CHD7: variants seen among roughly 807,000 people sequenced by gnomAD.
CHD7 encodes the protein ATP-dependent chromatin remodeler CHD7.
A neutral mutation model predicts 307.3 loss-of-function variants in CHD7; 24 were observed. The observed-to-expected ratio is 0.08, with a 90% CI of 0.06 to 0.11. The LOEUF is 0.11. CHD7 is among the 10% of genes least tolerant of loss of function. The pLI is 1.00. For missense variants in CHD7, 3,106 were observed against 3,727.1 expected, an observed-to-expected ratio of 0.83 and a Z score of 4.34; for synonymous variants, 1,363 against 1,349.9, an observed-to-expected ratio of 1.01 and a Z score of -0.21.
chr8:60,742,092 C>G lies in CHD7; in HGVS notation c.660C>G (p.Leu220=), dbSNP rs1177262261. Residue 220 remains leucine (L), a synonymous_variant, in exon 2 of 38, where the codon CTC becomes CTG. Transcript: ENST00000423902. The part of the protein sequence containing the change: ...MSQFSQGQEG[L]NQGNPFIATS... ...AGTTTTCCCAAGGCCAAGAGGGCCT[C>G]AATCAGGGAAATCCTTTTATTGCCA... 6 of 1,613,852 alleles carry G rather than the reference C, an allele frequency of 3.7e-6. No homozygotes were observed. The highest frequency in any genetic ancestry group is 5.1e-6 in the Non-Finnish European group (6 of 1,179,892).
intron 1 of CHD7, among the ~76,000 whole-genome samples, chr8:60,687,784 C>G (rs982500036): frequency 6.6e-6 from 1 of 152,054 alleles, no homozygotes; most frequent in African/African-American, 2.4e-5. Context: ...GATGAGGAGA[C>G]TAAAAGGGAT....
intron 1 of CHD7, among the ~76,000 whole-genome samples, chr8:60,690,053 C>T (rs16926384): frequency 0.012 from 1,815 of 152,270 alleles, 39 homozygotes; most frequent in African/African-American, 0.041. Flanking sequence ...TATTTGCATA[C>T]TGCTTCTGTG....
chr8:60,726,212 T>A (rs1808150154), intron 1 of CHD7, among the ~76,000 whole-genome samples: 1 of 152,264 alleles, frequency 6.6e-6, no homozygotes, highest in South Asian at 2.1e-4. Context: ...ATATTTTTCT[T>A]TCACCAGAAG....
At chr8:60,833,016 G>A (rs1347897025) in intron 15 of CHD7, among the ~76,000 whole-genome samples, 3 of 152,112 alleles carry the variant, frequency 2.0e-5, no homozygotes, top group Admixed American at 6.6e-5. Context: ...CAAACTAAGC[G>A]CACGCAGCTG....
At chr8:60,694,500 G>C (rs1806362577) in intron 1 of CHD7, among the ~76,000 whole-genome samples, 1 of 152,244 alleles carries the variant, frequency 6.6e-6, no homozygotes, top group Non-Finnish European at 1.5e-5. Flanking sequence ...CAGAAAGCGT[G>C]ACTTGCCCTC....
chr8:60,801,617 A>G, intron 6 of CHD7, 24 bp downstream of exon 6: 1 of 1,505,128 alleles, frequency 6.6e-7, no homozygotes, highest in Non-Finnish European at 9.1e-7. Context: ...GAGCCATTAA[A>G]ATCTGTGAGG....
At chr8:60,824,968 A>C (rs778506670) in intron 13 of CHD7, 1 of 152,102 alleles carries the variant, frequency 6.6e-6, no homozygotes, top group Non-Finnish European at 1.5e-5. Flanking sequence ...GGTTATGATC[A>C]CTTATATTTT....
chr8:60,748,237 C>T (rs983736888), intron 2 of CHD7, among the ~76,000 whole-genome samples: 1 of 152,036 alleles, frequency 6.6e-6, no homozygotes, highest in Non-Finnish European at 1.5e-5. Flanking sequence ...GCAGTGATGT[C>T]TTTGCTGAGA....
intron 1 of CHD7, among the ~76,000 whole-genome samples, chr8:60,739,488 C>T (rs1808881827): frequency 5.3e-5 from 8 of 152,296 alleles, no homozygotes; most frequent in Admixed American, 2.6e-4. Context: ...AGTAAAGCAG[C>T]GTGTTTTCAG....
chr8:60,724,265 A>G (rs1343632305), intron 1 of CHD7, among the ~76,000 whole-genome samples: 1 of 152,190 alleles, frequency 6.6e-6, no homozygotes, highest in Non-Finnish European at 1.5e-5. Context: ...TTTAATTCTT[A>G]TTACAGCACA....
chr8:60,841,209 C>T (rs1804956946), intron 19 of CHD7, among the ~76,000 whole-genome samples: 1 of 152,258 alleles, frequency 6.6e-6, no homozygotes, highest in African/African-American at 2.4e-5. Context: ...GGCTCTTCTT[C>T]CCTGACTACC....
intron 9 of CHD7, 70 bp from the exon 10 acceptor site, chr8:60,821,720 A>G: frequency 1.6e-6 from 2 of 1,280,480 alleles, no homozygotes; most frequent in African/African-American, 1.5e-5. Flanking sequence ...ACATATATAT[A>G]CACATATATA....
intron 1 of CHD7, among the ~76,000 whole-genome samples, chr8:60,681,607 A>G (rs1334509293): frequency 3.3e-5 from 5 of 152,216 alleles, no homozygotes; most frequent in Non-Finnish European, 7.3e-5. Context: ...TTGAGCAGCA[A>G]ATTTTAGAAG....
intron 1 of CHD7, chr8:60,679,665 G>T (rs900700214): frequency 6.8e-6 from 1 of 146,490 alleles, no homozygotes; most frequent in Admixed American, 6.8e-5. Context: ...CCCGCCTCCC[G>T]CCCCCGCCCC....
intron 1 of CHD7, among the ~76,000 whole-genome samples, chr8:60,725,118 C>A (rs1460228259): frequency 2.0e-5 from 3 of 152,178 alleles, no homozygotes; most frequent in African/African-American, 7.2e-5. Flanking sequence ...TAAAGAGGGG[C>A]GGGAACACCT....
intron 18 of CHD7, 26 bp from the exon 19 acceptor site, chr8:60,838,050 G>A (rs1804815693): frequency 7.0e-7 from 1 of 1,424,664 alleles, no homozygotes; most frequent in Non-Finnish European, 9.3e-7. Context: ...ATTATTTTGA[G>A]TATTTTAAAT....
intron 3 of CHD7, among the ~76,000 whole-genome samples, chr8:60,782,680 A>G (rs2150672901): frequency 6.6e-6 from 1 of 152,298 alleles, no homozygotes; most frequent in African/African-American, 2.4e-5. Context: ...ATTGAAAACC[A>G]TCACTTTTCT....
intron 1 of CHD7, among the ~76,000 whole-genome samples, chr8:60,687,817 C>G (rs1805988254): frequency 6.6e-6 from 1 of 152,148 alleles, no homozygotes; most frequent in South Asian, 2.1e-4. Context: ...TACCCAGGGC[C>G]ATACATTTCT....
chr8:60,815,624 A>T (rs1361337142), intron 7 of CHD7, among the ~76,000 whole-genome samples: 1 of 152,100 alleles, frequency 6.6e-6, no homozygotes, highest in Non-Finnish European at 1.5e-5. Flanking sequence ...AGAGGAGGGG[A>T]TGGGGAGTCT....
Sources: gnomAD v4.1 joint callset for allele counts (sites outside exome capture counted in the v4.1 genomes callset) on GRCh38, gnomAD v4.1.1 for gene constraint, MANE v1.5 for transcripts, NCBI Gene and HGNC (gene_info 2026-07-23, HGNC 2026-07-21) for gene names.